The following GALNTL6 variants were observed in gnomAD, a reference collection of about 807,000 sequenced individuals.
The protein encoded by GALNTL6 is polypeptide N-acetylgalactosaminyltransferase like 6, also known as polypeptide N-acetylgalactosaminyltransferase-like 6.
In GALNTL6, 46 loss-of-function variants were observed where a neutral mutation model predicts 73.7. That is an observed-to-expected ratio of 0.62 (90% confidence interval 0.49 to 0.80). The LOEUF (loss-of-function observed/expected upper bound fraction) is 0.80, where lower values mean the gene tolerates loss of function less well. GALNTL6 is among the 30% of genes least tolerant of loss of function. GALNTL6 has a pLI of 0.00. For synonymous variants in GALNTL6, 259 were observed against 263.7 expected, an observed-to-expected ratio of 0.98 and a Z score of 0.17; for missense variants, 604 against 755.0, an observed-to-expected ratio of 0.80 and a Z score of 2.34.
chr4:172,652,892 C>A (rs1361845550), intron 5 of GALNTL6, among the ~76,000 whole-genome samples: 1 of 152,104 alleles, frequency 6.6e-6, no homozygotes, highest in East Asian at 1.9e-4. Context: ...GATTCAGCTT[C>A]CATTTCTTTT....
intron 5 of GALNTL6, among the ~76,000 whole-genome samples, chr4:172,720,543 G>A (rs917744215): frequency 2.6e-5 from 4 of 152,132 alleles, no homozygotes; most frequent in Non-Finnish European, 5.9e-5. Flanking sequence ...TCTGGTTCAC[G>A]CATCTCTGAC....
intron 5 of GALNTL6, among the ~76,000 whole-genome samples, chr4:172,618,443 C>T (rs1231382377): frequency 6.6e-6 from 1 of 152,174 alleles, no homozygotes; most frequent in Non-Finnish European, 1.5e-5. Context: ...TCCCTAGTAA[C>T]ACAGCCCAAT....
intron 5 of GALNTL6, among the ~76,000 whole-genome samples, chr4:172,621,340 C>A (rs780873788): frequency 1.3e-5 from 2 of 152,160 alleles, no homozygotes; most frequent in Non-Finnish European, 2.9e-5. Context: ...CAGGCATAAG[C>A]CAATGTGCCC....
intron 12 of GALNTL6, among the ~76,000 whole-genome samples, chr4:173,022,030 A>AAGGAAG (rs1753012783): frequency 1.4e-5 from 1 of 69,156 alleles, no homozygotes; most frequent in Non-Finnish European, 2.7e-5. Context: ...AAGGAAGGAA[A>AAGGAAG]GAAGGAAGGA....
intron 2 of GALNTL6, among the ~76,000 whole-genome samples, chr4:171,945,857 A>C (rs1283899432): frequency 2.0e-5 from 3 of 152,168 alleles, no homozygotes. Context: ...GTATATAGTT[A>C]TGAAACTTGT....
intron 5 of GALNTL6, among the ~76,000 whole-genome samples, chr4:172,673,206 G>A (rs762278908): frequency 2.6e-5 from 4 of 152,052 alleles, no homozygotes; most frequent in Non-Finnish European, 5.9e-5. Context: ...AAAGATTCTG[G>A]TATGTTGCAT....
intron 12 of GALNTL6, among the ~76,000 whole-genome samples, chr4:173,032,769 G>A (rs1442713822): frequency 1.3e-5 from 2 of 152,216 alleles, no homozygotes; most frequent in East Asian, 1.9e-4. Context: ...CTAAGAGAGT[G>A]TGAAGTGTTT....
In GALNTL6 at chr4:172,904,361, C is replaced by T. The variant is rs180958062; in HGVS notation, c.1041+21454C>T. On this transcript the variant is annotated intron_variant, in intron 8 of 12. Transcript: ENST00000506823. ...AGCTTCAGTCCTTGCTCTTGAAACC[C>T]TTCAGTCTAATAATAGAGACAGGAA... Among the ~76,000 whole-genome samples the T allele has an allele frequency of 2.3e-3, 353 of 152,296 alleles. 1 individual carries two copies. Among genetic ancestry groups the T allele is most frequent in the Non-Finnish European group, 4.0e-3 (271 of 67,998 alleles).
intron 2 of GALNTL6, among the ~76,000 whole-genome samples, chr4:172,074,879 C>T (rs749643296): frequency 6.6e-6 from 1 of 152,142 alleles, no homozygotes; most frequent in Non-Finnish European, 1.5e-5. Flanking sequence ...ACCTTGCATG[C>T]TAACTTTTAA....
chr4:172,267,968 T>C (rs1461665467), intron 3 of GALNTL6, among the ~76,000 whole-genome samples: 1 of 152,146 alleles, frequency 6.6e-6, no homozygotes, highest in Admixed American at 6.6e-5. Context: ...CACCAACATA[T>C]GCAGTTGTTG....
At chr4:172,065,495 C>A (rs554014402) in intron 2 of GALNTL6, among the ~76,000 whole-genome samples, 1 of 152,012 alleles carries the variant, frequency 6.6e-6, no homozygotes, top group Non-Finnish European at 1.5e-5. Context: ...AATGTAACAT[C>A]ATAGGTAGGA....
chr4:172,196,270 A>G (rs1421889722), intron 2 of GALNTL6, among the ~76,000 whole-genome samples: 1 of 152,154 alleles, frequency 6.6e-6, no homozygotes, highest in Non-Finnish European at 1.5e-5. Flanking sequence ...CCGTGAATAG[A>G]CCAATAATGA....
In GALNTL6 at chr4:172,219,680, G is replaced by A. The variant is rs375635349; in HGVS notation, c.139-9976G>A. 1.3e-4 allele frequency among the ~76,000 whole-genome samples: 19 copies of A among 151,920 alleles called. 1 individual carries two copies. The East Asian group carries it at 2.9e-3, about 23-fold the overall frequency. On this transcript the variant is annotated intron_variant, in intron 2 of 12. Coordinates refer to ENST00000506823, the MANE Select transcript of GALNTL6 (RefSeq NM_001034845.3). ...TGAAATAATTAGCTGTGAAAGTCAC[G>A]GTCCAAGACCCTTTTAAGATTTAGA...
chr4:171,871,349 T>A (rs1289893096), intron 2 of GALNTL6, among the ~76,000 whole-genome samples: 1 of 152,226 alleles, frequency 6.6e-6, no homozygotes, highest in African/African-American at 2.4e-5. Flanking sequence ...GTTATGTGAA[T>A]GTGATCTCAG....
intron 2 of GALNTL6, among the ~76,000 whole-genome samples, chr4:171,909,344 G>T (rs1481532932): frequency 6.6e-6 from 1 of 151,970 alleles, no homozygotes; most frequent in Non-Finnish European, 1.5e-5. Context: ...AGATGATCCA[G>T]GGTTATAAAA....
At chr4:172,440,191 G>A (rs189719615) in intron 5 of GALNTL6, among the ~76,000 whole-genome samples, 2 of 152,068 alleles carry the variant, frequency 1.3e-5, no homozygotes, top group African/African-American at 4.8e-5. Context: ...ATTTGCAGCT[G>A]TGATAGCAGC....
At chr4:172,862,554 A>G (rs1243904112) in intron 7 of GALNTL6, among the ~76,000 whole-genome samples, 1 of 152,032 alleles carries the variant, frequency 6.6e-6, no homozygotes, top group Non-Finnish European at 1.5e-5. Context: ...AAAAAACTTA[A>G]CTGGGCATGG....
chr4:172,854,495 A>G (rs75451173), intron 7 of GALNTL6, among the ~76,000 whole-genome samples: 1,830 of 152,292 alleles, frequency 0.012, 51 homozygotes, highest in African/African-American at 0.042. Context: ...TTATGTTTTT[A>G]TAAGAATATA....
intron 2 of GALNTL6, among the ~76,000 whole-genome samples, chr4:171,832,300 AT>A (rs34742106): frequency 0.14 from 21,267 of 150,998 alleles, 1,663 homozygotes; most frequent in South Asian, 0.28. Context: ...CAGTCTTTTA[AT>A]TTTTTTTGTA....
Sources: allele counts gnomAD v4.1 joint callset (sites outside exome capture counted in the v4.1 genomes callset), GRCh38; gene constraint gnomAD v4.1.1; transcripts MANE v1.5; gene names NCBI Gene and HGNC (gene_info 2026-07-23, HGNC 2026-07-21).